The following VPS13C variants were observed in gnomAD, a reference collection of about 807,000 sequenced individuals.
VPS13C encodes the protein vacuolar protein sorting 13 homolog C, also known as intermembrane lipid transfer protein VPS13C.
In VPS13C, 358 loss-of-function variants were observed where a neutral mutation model predicts 456.8. The ratio of observed to expected loss-of-function variants is 0.78; its 90% CI spans 0.72 to 0.86. The LOEUF (loss-of-function observed/expected upper bound fraction) is 0.86. VPS13C is among the 40% of genes least tolerant of loss of function. The probability of loss-of-function intolerance (pLI) is 0.00; values close to 1 mark genes in which losing one functional copy is unlikely to be tolerated. For missense variants in VPS13C, 4,818 were observed against 4,385.4 expected (o/e 1.10, Z -2.79); for synonymous variants, 1,578 against 1,486.7 (o/e 1.06, Z -1.41).
Position 61,878,614 on chromosome 15 carries a change from T to A in VPS13C, c.10135A>T (p.Ile3379Leu). ...CTCTAACAGAAGTCTTACTTGAATATAAGGTCATCCACATCAGTCAGAGTA... is the reference window on the plus strand; with the variant it reads ...CTCTAACAGAAGTCTTACTTGAATAAAAGGTCATCCACATCAGTCAGAGTA... ...GATLTDVDDL[I>L]FKLAYYEIRY... Residue 3379 changes from isoleucine (I) to leucine (L), a missense_variant, in exon 74 of 85, where the codon ATA (isoleucine) becomes TTA (leucine). Ile to Leu is a conservative substitution (Grantham distance 5, BLOSUM62 2). This residue lies in a region of VPS13C where 4,552 missense variants were observed against 4,130.6 expected (regional missense o/e 1.10). Transcript: ENST00000644861. 1.9e-6 allele frequency: 3 copies of A among 1,608,308 alleles called. No individual in the cohort carries two copies. In the South Asian group the frequency reaches 3.3e-5, roughly 18 times the overall value.
chr15:61,921,915 T>C lies in VPS13C; in HGVS notation c.7062+32A>G, dbSNP rs767966473. ...CTATGAATGAATATGCATAGTATCATTCTATCCAAAGATATTTTAAGATTT... is the reference window on the plus strand; with the variant it reads ...CTATGAATGAATATGCATAGTATCACTCTATCCAAAGATATTTTAAGATTT... On this transcript the variant is annotated intron_variant, in intron 55 of 84. Transcript: ENST00000644861. The C allele has an allele frequency of 2.0e-5, 32 of 1,592,684 alleles. No individual in the cohort carries two copies. In the Admixed American group the frequency reaches 4.5e-4, roughly 22 times the overall value.
At chr15:61,908,186 A>G (rs1469114333) in intron 65 of VPS13C, among the ~76,000 whole-genome samples, 1 of 152,162 alleles carries the variant, frequency 6.6e-6, no homozygotes, top group Non-Finnish European at 1.5e-5. Context: ...AATATTCCAG[A>G]GAACTGGGAG....
chr15:61,955,788 C>T (rs1366920040), intron 37 of VPS13C, among the ~76,000 whole-genome samples: 1 of 151,986 alleles, frequency 6.6e-6, no homozygotes, highest in Non-Finnish European at 1.5e-5. Flanking sequence ...TGAAAGGCCA[C>T]CAGTCAGAAT....
chr15:61,906,575 A>G (rs1262513260), intron 66 of VPS13C: 2 of 152,420 alleles, frequency 1.3e-5, no homozygotes, highest in Non-Finnish European at 2.9e-5. Flanking sequence ...ATTTTAAAGC[A>G]AAAGTCAAGA....
chr15:61,908,953 C>A (rs1404845885), intron 65 of VPS13C, 39 bp downstream of exon 65: 9 of 1,599,630 alleles, frequency 5.6e-6, no homozygotes, highest in African/African-American at 1.3e-5. Flanking sequence ...TTACTATGAA[C>A]CAATAAAAGT....
In VPS13C at chr15:61,878,667, AC is replaced by A. The variant is rs754775310; in HGVS notation, c.10081del (p.Val3361SerfsTer5). ...ACCTATGCTTTTCAACAGCAAGTTG[AC>A]AGAATGAACTGCAAACATTTCCTGT... ...EKQEMFAVHS[V>X]NLLLKSIGAT... On this transcript the variant is annotated frameshift_variant, in exon 74 of 85. Coordinates refer to ENST00000644861, the MANE Select transcript of VPS13C (RefSeq NM_020821.3). LOFTEE classifies it high-confidence loss of function. The A allele has an allele frequency of 1.2e-6, 2 of 1,611,866 alleles. No homozygotes were observed. Among genetic ancestry groups the A allele is most frequent in the Non-Finnish European group, 1.7e-6 (2 of 1,178,910 alleles).
At position 61,962,746 on chromosome 15, in the gene VPS13C, T is replaced by C; in HGVS notation, c.3435+3A>G. 3 of 1,577,188 alleles carry C rather than the reference T, an allele frequency of 1.9e-6. No homozygotes were observed. The highest frequency in any genetic ancestry group is 2.6e-6 in the Non-Finnish European group (3 of 1,154,924). On this transcript the variant is annotated splice_donor_region_variant and intron_variant, in intron 33 of 84. Coordinates refer to ENST00000644861, the MANE Select transcript of VPS13C (RefSeq NM_020821.3). ...TATTAACTATCTGTTTACAATCACCTACTTTCTTATGAACTGTCTTTGGAT... is the reference window on the plus strand; with the variant it reads ...TATTAACTATCTGTTTACAATCACCCACTTTCTTATGAACTGTCTTTGGAT...
chr15:61,922,371 G>A (rs962368716), intron 54 of VPS13C, 26 bp downstream of exon 54: 2 of 1,584,088 alleles, frequency 1.3e-6, no homozygotes, highest in Non-Finnish European at 1.7e-6. Context: ...AGAAGTCTCT[G>A]AAGGTATTAA....
intron 66 of VPS13C, among the ~76,000 whole-genome samples, chr15:61,898,441 G>T (rs1596307475): frequency 5.4e-5 from 8 of 149,036 alleles, no homozygotes; most frequent in African/African-American, 4.9e-5. Context: ...AAAAAAGGCA[G>T]GGGTTGCAAT....
At position 61,858,881 on chromosome 15, in the gene VPS13C, G is replaced by A. The variant is rs557636116; in HGVS notation, c.10953-2472C>T. On this transcript the variant is annotated intron_variant, in intron 82 of 84. Coordinates refer to ENST00000644861, the MANE Select transcript of VPS13C (RefSeq NM_020821.3). The surrounding 1 kb of genome is among the most constrained non-coding windows in gnomAD (Gnocchi z 4.4). ...AATTTGTTGTGCAGCAATACAAAAT[G>A]TATACAGTCTCTAACTGGTCTCCTT... is the stretch of plus-strand genomic sequence containing the variant. Among the ~76,000 whole-genome samples the A allele has an allele frequency of 7.2e-5, 11 of 152,290 alleles. No individual in the cohort carries two copies. Among genetic ancestry groups the A allele is most frequent in the Non-Finnish European group, 1.5e-4 (10 of 68,016 alleles).
At chr15:61,866,397 C>T (rs1213792600) in intron 81 of VPS13C, 24 of 983,150 alleles carry the variant, frequency 2.4e-5, no homozygotes, top group East Asian at 1.1e-4. Flanking sequence ...AAAGATATCA[C>T]AAGGAAAAAA....
At chr15:61,977,662 A>C (rs970970606) in intron 23 of VPS13C, among the ~76,000 whole-genome samples, 1 of 152,052 alleles carries the variant, frequency 6.6e-6, no homozygotes, top group Admixed American at 6.5e-5. Context: ...ATCAAACAAA[A>C]TTTCATGACC....
At chr15:61,943,798 A>C (rs2044512443) in intron 45 of VPS13C, among the ~76,000 whole-genome samples, 1 of 152,268 alleles carries the variant, frequency 6.6e-6, no homozygotes, top group African/African-American at 2.4e-5. Flanking sequence ...GTGAGACCTA[A>C]TTAAAGAGCT....
At chr15:61,962,013 G>T in intron 34 of VPS13C, 120 bp from the exon 35 acceptor site, 1 of 1,131,424 alleles carries the variant, frequency 8.8e-7, no homozygotes, top group Non-Finnish European at 1.2e-6. Flanking sequence ...TTTCCATTGA[G>T]CCCTATTTTT....
chr15:61,885,884 C>T (rs1896227842), intron 67 of VPS13C, among the ~76,000 whole-genome samples: 1 of 152,128 alleles, frequency 6.6e-6, no homozygotes, highest in Non-Finnish European at 1.5e-5. Context: ...TCACTTCAGA[C>T]TCCGTGCTGA....
At chr15:62,042,924 T>C (rs2048288168) in intron 2 of VPS13C, among the ~76,000 whole-genome samples, 1 of 150,402 alleles carries the variant, frequency 6.6e-6, no homozygotes, top group African/African-American at 2.4e-5. Context: ...ATAAAAAATA[T>C]ATATATATAA....
rs2044602479 is a variant in VPS13C, at chr15:61,946,288, A to G, written c.4980+19T>C. The G allele has an allele frequency of 6.5e-7, 1 of 1,547,406 alleles. No homozygotes were observed. The highest frequency in any genetic ancestry group is 2.0e-5 in the Admixed American group (1 of 50,812). On this transcript the variant is annotated intron_variant, in intron 44 of 84. Coordinates refer to ENST00000644861, the MANE Select transcript of VPS13C (RefSeq NM_020821.3). ...AAAGGCAAAATAAATTCCAATATAA[A>G]AATCTATTTTTTAATCACCTTTTTG...
chr15:61,964,985 G>A (rs1379695426), intron 30 of VPS13C, 124 bp from the exon 31 acceptor site: 1 of 866,900 alleles, frequency 1.2e-6, no homozygotes, highest in Non-Finnish European at 1.7e-6. Flanking sequence ...TGAAGGAAGA[G>A]TAAAAAGTGG....
chr15:62,015,991 T>A (rs1054199440), intron 9 of VPS13C, among the ~76,000 whole-genome samples: 10 of 145,956 alleles, frequency 6.9e-5, no homozygotes, highest in Non-Finnish European at 1.4e-4. Flanking sequence ...AAAACTAGTT[T>A]CCTTCACTGC....
Sources: gnomAD v4.1 joint callset for allele counts (sites outside exome capture counted in the v4.1 genomes callset) on GRCh38, gnomAD v4.1.1 for gene constraint, gnomAD v4.1.1 regional missense constraint, Gnocchi (gnomAD v3.1) non-coding constraint, MANE v1.5 for transcripts, NCBI Gene and HGNC (gene_info 2026-07-23, HGNC 2026-07-21) for gene names.